FARS2: variants seen among roughly 807,000 people sequenced by gnomAD.
The protein encoded by FARS2 is phenylalanine--tRNA ligase, mitochondrial.
FARS2 carries 40 observed loss-of-function variants against 46.4 expected under a neutral mutation model. The ratio of observed to expected loss-of-function variants is 0.86; its 90% CI spans 0.67 to 1.12. FARS2 has a LOEUF of 1.12. FARS2 is among the 50% of genes most tolerant of loss of function. FARS2 has a pLI of 0.00. For missense variants in FARS2, 513 were observed against 567.9 expected (o/e 0.90, Z 0.98); for synonymous variants, 234 against 214.9 (o/e 1.09, Z -0.78).
At chr6:5,708,389 T>G (rs1056447748) in intron 6 of FARS2, among the ~76,000 whole-genome samples, 6 of 152,138 alleles carry the variant, frequency 3.9e-5, no homozygotes, top group African/African-American at 1.4e-4. Context: ...CACACATTAC[T>G]CAGGAAGTCC....
chr6:5,306,389 G>A lies in FARS2; in HGVS notation c.-22+44729G>A, dbSNP rs1768702633. ...TTCTTTTAACAGCCATGTGATGGCT[G>A]CCCTGGGAATTGAATGATTTGTAGA... On this transcript the variant is annotated intron_variant, in intron 1 of 6. Transcript: ENST00000274680. Among the ~76,000 whole-genome samples the A allele has an allele frequency of 3.3e-5, 5 of 152,328 alleles. No homozygotes were observed. In the South Asian group the frequency reaches 1.0e-3, roughly 32 times the overall value.
intron 4 of FARS2, among the ~76,000 whole-genome samples, chr6:5,526,154 T>C (rs895309342): frequency 6.6e-6 from 1 of 152,232 alleles, no homozygotes; most frequent in Non-Finnish European, 1.5e-5. Flanking sequence ...GGAGTTTCTC[T>C]CAAATTCCTC....
chr6:5,563,297 A>G (rs1338330146), intron 5 of FARS2, among the ~76,000 whole-genome samples: 1 of 152,158 alleles, frequency 6.6e-6, no homozygotes, highest in Non-Finnish European at 1.5e-5. Context: ...AATGTTATAT[A>G]CACGTGGGAA....
At chr6:5,602,089 G>T (rs569463663) in intron 5 of FARS2, among the ~76,000 whole-genome samples, 1 of 152,258 alleles carries the variant, frequency 6.6e-6, no homozygotes, top group South Asian at 2.1e-4. Flanking sequence ...ACCAGAGAAT[G>T]ACTTAATAAT....
intron 4 of FARS2, chr6:5,452,055 GT>G (rs1257767443): frequency 6.6e-6 from 1 of 152,192 alleles, no homozygotes; most frequent in African/African-American, 2.4e-5. Context: ...ATTCCTACTG[GT>G]TAGTGGCTGC....
chr6:5,337,756 C>A (rs995442432), intron 1 of FARS2, among the ~76,000 whole-genome samples: 1 of 152,156 alleles, frequency 6.6e-6, no homozygotes, highest in Non-Finnish European at 1.5e-5. Context: ...TTTCTTCCTT[C>A]TAGTGGTCAC....
intron 1 of FARS2, among the ~76,000 whole-genome samples, chr6:5,294,465 C>T (rs777795457): frequency 4.6e-5 from 7 of 152,106 alleles, no homozygotes; most frequent in Non-Finnish European, 1.0e-4. Flanking sequence ...AAGTGGCAGG[C>T]ACCGGTTGGA....
upstream of FARS2, among the ~76,000 whole-genome samples, chr6:5,257,690 T>C (rs1227342585): frequency 1.3e-5 from 2 of 152,154 alleles, no homozygotes; most frequent in African/African-American, 4.8e-5. Flanking sequence ...TGCATGTGAG[T>C]GATCTAGGTT....
chr6:5,342,739 C>T (rs1366376977), intron 1 of FARS2, among the ~76,000 whole-genome samples: 2 of 147,356 alleles, frequency 1.4e-5, no homozygotes, highest in Non-Finnish European at 3.0e-5. Context: ...GCAACAAGAG[C>T]GAGACTCTGT....
At chr6:5,708,393 G>A (rs1758899701) in intron 6 of FARS2, among the ~76,000 whole-genome samples, 1 of 152,152 alleles carries the variant, frequency 6.6e-6, no homozygotes, top group Non-Finnish European at 1.5e-5. Context: ...CATTACTCAG[G>A]AAGTCCTACA....
At chr6:5,454,336 A>T (rs1405551590) in intron 4 of FARS2, among the ~76,000 whole-genome samples, 2 of 150,560 alleles carry the variant, frequency 1.3e-5, no homozygotes, top group Admixed American at 6.6e-5. Flanking sequence ...TTGTTTTTTT[A>T]AAATTTATTT....
chr6:5,709,299 G>A (rs1758953037), intron 6 of FARS2, among the ~76,000 whole-genome samples: 1 of 152,132 alleles, frequency 6.6e-6, no homozygotes, highest in African/African-American at 2.4e-5. Flanking sequence ...GCAGAGGAGG[G>A]CAGTGCCTCT....
At chr6:5,535,870 C>T (rs1770160872) in intron 4 of FARS2, among the ~76,000 whole-genome samples, 2 of 152,212 alleles carry the variant, frequency 1.3e-5, no homozygotes, top group South Asian at 4.2e-4. Flanking sequence ...CTTGCTTGCA[C>T]TCCTGGGGTA....
chr6:5,464,329 A>G (rs427566), intron 4 of FARS2, among the ~76,000 whole-genome samples: 81,352 of 152,054 alleles, frequency 0.54, 21,931 homozygotes, highest in East Asian at 0.72. Flanking sequence ...CACTCCCACA[A>G]TGGACAGTCC....
intron 1 of FARS2, among the ~76,000 whole-genome samples, chr6:5,361,943 C>T (rs1758331097): frequency 6.6e-6 from 1 of 152,158 alleles, no homozygotes; most frequent in Admixed American, 6.5e-5. Context: ...AAAACTCATT[C>T]ATTCTAACAA....
intron 1 of FARS2, among the ~76,000 whole-genome samples, chr6:5,337,338 G>A (rs1368806442): frequency 6.6e-6 from 1 of 151,878 alleles, no homozygotes; most frequent in South Asian, 2.1e-4. Context: ...TCTTTCAAAC[G>A]AACTTGGGAA....
chr6:5,689,619 G>C (rs1238055121), intron 6 of FARS2, among the ~76,000 whole-genome samples: 10 of 151,926 alleles, frequency 6.6e-5, no homozygotes, highest in Non-Finnish European at 1.5e-4. Flanking sequence ...TTACTTCCAA[G>C]TATGTGGTCA....
intron 3 of FARS2, among the ~76,000 whole-genome samples, chr6:5,410,214 T>C (rs2503825): frequency 0.55 from 82,974 of 150,470 alleles, 23,306 homozygotes; most frequent in African/African-American, 0.66. Context: ...AGTGCAGTGG[T>C]GTGATCTCAG....
At chr6:5,566,499 A>G (rs1450330059) in intron 5 of FARS2, among the ~76,000 whole-genome samples, 2 of 152,146 alleles carry the variant, frequency 1.3e-5, no homozygotes, top group Admixed American at 1.3e-4. Flanking sequence ...TTTCCCCAAA[A>G]CAGGGTTTGT....
Sources: gnomAD v4.1 joint callset for allele counts (sites outside exome capture counted in the v4.1 genomes callset) on GRCh38, gnomAD v4.1.1 for gene constraint, MANE v1.5 for transcripts, NCBI Gene and HGNC (gene_info 2026-07-23, HGNC 2026-07-21) for gene names.